Variants in SEC23B observed in about 807,000 individuals in gnomAD.
The protein encoded by SEC23B is SEC23 homolog B, COPII component.
A neutral mutation model predicts 104.3 loss-of-function variants in SEC23B; 77 were observed. The observed-to-expected ratio is 0.74, with a 90% CI of 0.61 to 0.89. SEC23B has a LOEUF of 0.89. SEC23B is among the 40% of genes least tolerant of loss of function. The pLI, the probability that SEC23B is intolerant of heterozygous loss-of-function variation, is 0.00. For synonymous variants in SEC23B, 338 were observed against 332.5 expected, an observed-to-expected ratio of 1.02 and a Z score of -0.18; for missense variants, 885 against 949.4, an observed-to-expected ratio of 0.93 and a Z score of 0.89.
rs781173761 is a variant in SEC23B at position 18,543,144 on chromosome 20, G to A, written c.1637G>A (p.Arg546Gln). 29 of 1,614,058 alleles carry A rather than the reference G, an allele frequency of 1.8e-5. No homozygotes were observed. The highest frequency in any genetic ancestry group is 4.5e-5 in the East Asian group (2 of 44,900). Residue 546 changes from arginine to glutamine, a missense_variant, in exon 14 of 20, where the codon CGG becomes CAG. Physicochemically the swap from Arg to Gln is conservative, Grantham distance 43 (BLOSUM62 1). Transcript: ENST00000650089. ...AESEEGPDVL[R>Q]WLDRQLIRLC... ...TCAGAGGAGGGGCCCGATGTGCTCC[G>A]GTGGCTGGACCGACAACTCATCCGA...
chr20:18,526,451 G>A lies in SEC23B; in HGVS notation c.913G>A (p.Gly305Arg), dbSNP rs764267057. Reference sequence around the variant, plus strand: ...TACCCAAGGGCCTGGCATGGTGGTTGGAGATGAATTAAAGATTCCTATTCG... The same window carrying A: ...TACCCAAGGGCCTGGCATGGTGGTTAGAGATGAATTAAAGATTCCTATTCG... ...PPTQGPGMVV[G>R]DELKIPIRSW... The change falls in exon 8 of 20, where the codon GGA becomes AGA. Residue 305 changes from glycine (G) to arginine (R), a missense_variant. Coordinates refer to ENST00000650089, the MANE Select transcript of SEC23B (RefSeq NM_006363.6). 5 of 1,614,172 alleles carry A rather than the reference G, an allele frequency of 3.1e-6. No individual in the cohort carries two copies. In the East Asian group the frequency reaches 6.7e-5, roughly 22 times the overall value.
intron 3 of SEC23B, among the ~76,000 whole-genome samples, chr20:18,514,008 T>C (rs903065934): frequency 6.6e-6 from 1 of 152,208 alleles, no homozygotes; most frequent in Non-Finnish European, 1.5e-5. Flanking sequence ...AGAATTAAAC[T>C]GAGTTAATGA....
intron 12 of SEC23B, among the ~76,000 whole-genome samples, chr20:18,538,707 T>C (rs2060259521): frequency 6.6e-6 from 1 of 152,234 alleles, no homozygotes; most frequent in South Asian, 2.1e-4. Context: ...TAAACTTTGC[T>C]GCTGCTTTAT....
At chr20:18,510,275 C>G (rs947252576) in intron 1 of SEC23B, among the ~76,000 whole-genome samples, 2 of 152,140 alleles carry the variant, frequency 1.3e-5, no homozygotes, top group Non-Finnish European at 2.9e-5. Context: ...TAGTGTTTAA[C>G]TACATGTAGT....
At chr20:18,527,705 CAG>C in intron 9 of SEC23B, 94 bp downstream of exon 9, 1 of 855,050 alleles carries the variant, frequency 1.2e-6, no homozygotes. Flanking sequence ...AAGGCCAACT[CAG>C]AGAAGCTTTC....
intron 17 of SEC23B, among the ~76,000 whole-genome samples, chr20:18,552,214 A>C (rs1378448920): frequency 1.1e-4 from 2 of 18,298 alleles, no homozygotes; most frequent in African/African-American, 1.9e-4. Flanking sequence ...GTGAAAAGAT[A>C]TAAATTGTGT....
chr20:18,542,323 A>G lies in SEC23B; in HGVS notation c.1432A>G (p.Arg478Gly). Residue 478 changes from arginine (R) to glycine (G), a missense_variant, in exon 13 of 20, where the codon AGA (arginine) becomes GGA (glycine). Coordinates refer to ENST00000650089, the MANE Select transcript of SEC23B (RefSeq NM_006363.6). ...QHNTPIPQGG[R>G]GAIQFVTHYQ... ...CAACACCCCGATCCCCCAAGGAGGCAGAGGAGCCATCCAGTTTGTCACGCA... is the reference window on the plus strand; with the variant it reads ...CAACACCCCGATCCCCCAAGGAGGCGGAGGAGCCATCCAGTTTGTCACGCA... 6.2e-7 allele frequency: 1 copy of G among 1,614,212 alleles called. No homozygotes were observed. The highest frequency in any genetic ancestry group is 8.5e-7 in the Non-Finnish European group (1 of 1,180,036).
At position 18,510,937 on chromosome 20, in the gene SEC23B, G is replaced by A. The variant is rs751530265; in HGVS notation, c.102G>A (p.Met34Ile). 1 of 1,614,026 alleles carries A rather than the reference G, an allele frequency of 6.2e-7. No individual in the cohort carries two copies. Among genetic ancestry groups the A allele is most frequent in the Non-Finnish European group, 8.5e-7 (1 of 1,179,902 alleles). Residue 34 changes from methionine (M) to isoleucine (I), a missense_variant, in exon 2 of 20, where the codon ATG becomes ATA. Transcript: ENST00000650089. Reference sequence around the variant, plus strand: ...CCAGCCGGCTGGAGGCTACAAGAATGGTTGTACCCCTGGCTTGTCTCCTTA... The same window carrying A: ...CCAGCCGGCTGGAGGCTACAAGAATAGTTGTACCCCTGGCTTGTCTCCTTA... ...WPSSRLEATR[M>I]VVPLACLLTP...
Position 18,543,115 on chromosome 20 carries a change from G to A in SEC23B, c.1608G>A (p.Ala536=), listed in dbSNP as rs759942804. Residue 536 remains alanine (A), a synonymous_variant, in exon 14 of 20, where the codon GCG becomes GCA. Coordinates refer to ENST00000650089, the MANE Select transcript of SEC23B (RefSeq NM_006363.6). ...VLMARLGVFR[A]ESEEGPDVLR... is the part of the protein sequence containing the mutation. ...TGGCACGGCTTGGGGTGTTCCGAGC[G>A]GAGTCAGAGGAGGGGCCCGATGTGC... 37 of 1,614,056 alleles carry A rather than the reference G, an allele frequency of 2.3e-5. 1 individual carries two copies. The South Asian group carries it at 2.5e-4, about 11-fold the overall frequency.
At chr20:18,532,780 C>G in intron 11 of SEC23B, 36 bp downstream of exon 11, 6 of 1,486,208 alleles carry the variant, frequency 4.0e-6, no homozygotes, top group Non-Finnish European at 5.6e-6. Context: ...CACCTCCTGC[C>G]CCGGATTTAA....
intron 11 of SEC23B, among the ~76,000 whole-genome samples, chr20:18,535,274 C>T (rs1349690604): frequency 6.7e-6 from 1 of 148,870 alleles, no homozygotes; most frequent in Non-Finnish European, 1.5e-5. Flanking sequence ...CTTTGGGAGG[C>T]TGAGGCGGGA....
At chr20:18,547,971 G>T (rs1440294417) in intron 15 of SEC23B, among the ~76,000 whole-genome samples, 5 of 151,814 alleles carry the variant, frequency 3.3e-5, no homozygotes, top group African/African-American at 1.2e-4. Context: ...ATTTTTTTGA[G>T]ACGGAGTTTT....
chr20:18,535,204 C>CCA (rs2060218492), intron 11 of SEC23B, among the ~76,000 whole-genome samples: 1 of 150,312 alleles, frequency 6.7e-6, no homozygotes, highest in African/African-American at 2.5e-5. Context: ...CCACCCCCCC[C>CCA]CACACACACG....
chr20:18,536,037 C>T (rs2060227701), intron 12 of SEC23B, among the ~76,000 whole-genome samples: 1 of 152,124 alleles, frequency 6.6e-6, no homozygotes, highest in Non-Finnish European at 1.5e-5. Context: ...GGTTCTTTCC[C>T]TAATATTTTA....
chr20:18,533,375 T>G (rs761421451), intron 11 of SEC23B, among the ~76,000 whole-genome samples: 8 of 152,212 alleles, frequency 5.3e-5, no homozygotes, highest in Non-Finnish European at 1.2e-4. Flanking sequence ...GGTCCTGGGC[T>G]GGGGTTACAC....
At chr20:18,537,517 A>G (rs1421785273) in intron 12 of SEC23B, among the ~76,000 whole-genome samples, 6 of 152,044 alleles carry the variant, frequency 3.9e-5, no homozygotes, top group Middle Eastern at 3.2e-3. Flanking sequence ...GTTCTCACTC[A>G]TAGGTGGGAA....
At chr20:18,516,801 C>G (rs925162208) in intron 4 of SEC23B, among the ~76,000 whole-genome samples, 1 of 152,086 alleles carries the variant, frequency 6.6e-6, no homozygotes, top group Admixed American at 6.5e-5. Flanking sequence ...GATCCACCCA[C>G]CTCGGCTTCC....
intron 8 of SEC23B, 127 bp from the exon 9 acceptor site, chr20:18,527,369 C>G (rs1410706552): frequency 1.4e-6 from 1 of 738,562 alleles, no homozygotes; most frequent in Non-Finnish European, 2.5e-6. Flanking sequence ...CAGAGAGAGA[C>G]TCTGTCACAA....
In SEC23B at chr20:18,537,616, T is replaced by G. The variant is rs149128441; in HGVS notation, c.1404+1874T>G. On this transcript the variant is annotated intron_variant, in intron 12 of 19. Transcript: ENST00000650089. ...TGGGGGAAGGGGGGAGGAATAACAT[T>G]AGGAGATATAACTAATGCTAAATGA... 4.5e-3 allele frequency among the ~76,000 whole-genome samples: 685 copies of G among 152,130 alleles called. 2 individuals carry two copies. The highest frequency in any genetic ancestry group is 0.015 in the African/African-American group (635 of 41,476).
Sources: allele counts gnomAD v4.1 joint callset (sites outside exome capture counted in the v4.1 genomes callset), GRCh38; gene constraint gnomAD v4.1.1; transcripts MANE v1.5; gene names NCBI Gene and HGNC (gene_info 2026-07-23, HGNC 2026-07-21).